LIMCH1: variants seen among roughly 807,000 people sequenced by gnomAD.
LIMCH1 encodes the protein LIM and calponin homology domains-containing protein 1.
A neutral mutation model predicts 176.5 loss-of-function variants in LIMCH1; 113 were observed. The observed-to-expected ratio is 0.64, with a 90% confidence interval of 0.55 to 0.75. The LOEUF is 0.75. Among genes scored for constraint, LIMCH1 ranks in the 30% least tolerant of loss-of-function variants. LIMCH1 has a pLI of 0.00. For synonymous variants in LIMCH1, 619 were observed against 645.9 expected (o/e 0.96, Z 0.63); for missense variants, 1,674 against 1,814.9 (o/e 0.92, Z 1.41).
At chr4:41,537,611 G>A (rs1440673775), upstream of LIMCH1, among the ~76,000 whole-genome samples, 1 of 152,100 alleles carries the variant, frequency 6.6e-6, no homozygotes, top group Admixed American at 6.5e-5. Context: ...GGGATTCATG[G>A]AGTGAGTTTG....
At chr4:41,419,611 CT>C (rs796505022) in intron 1 of LIMCH1, among the ~76,000 whole-genome samples, 2,676 of 86,646 alleles carry the variant, frequency 0.031, 133 homozygotes, top group African/African-American at 0.072. Context: ...TCCGTCCTTC[CT>C]TCCTTCCTTC....
chr4:41,546,105 T>C (rs952605636), intron 1 of LIMCH1, among the ~76,000 whole-genome samples: 3 of 152,152 alleles, frequency 2.0e-5, no homozygotes, highest in Non-Finnish European at 4.4e-5. Flanking sequence ...GAAAACTACC[T>C]TCCATGTAGA....
chr4:41,620,652 T>A lies in LIMCH1; in HGVS notation c.687T>A (p.Ala229=). Residue 229 remains alanine, a synonymous_variant, in exon 7 of 32, where the codon GCT becomes GCA. Coordinates refer to ENST00000503057, the MANE Select transcript of LIMCH1 (RefSeq NM_001330672.2). ...AAAAGCGCAAAAGGCTAGAGCAAGCTGGAATCAAGGTCATGCCAGCAGCAC... is the reference window on the plus strand; with the variant it reads ...AAAAGCGCAAAAGGCTAGAGCAAGCAGGAATCAAGGTCATGCCAGCAGCAC... ...EIQKRKRLEQ[A]GIKVMPAAQR... is the part of the protein sequence containing the mutation. 6.5e-7 allele frequency: 1 copy of A among 1,536,130 alleles called. No individual in the cohort carries two copies. Among genetic ancestry groups the A allele is most frequent in the Non-Finnish European group, 8.7e-7 (1 of 1,146,890 alleles).
chr4:41,364,937 T>C (rs941176426), intron 1 of LIMCH1, among the ~76,000 whole-genome samples: 1 of 152,172 alleles, frequency 6.6e-6, no homozygotes, highest in Admixed American at 6.5e-5. Flanking sequence ...AAGAGTTTAT[T>C]AGTAGGTTAG....
intron 1 of LIMCH1, among the ~76,000 whole-genome samples, chr4:41,460,455 C>CATATAT (rs1302547339): frequency 0.029 from 2,688 of 92,140 alleles, 205 homozygotes; most frequent in African/African-American, 0.13. Flanking sequence ...CTATAGTAAT[C>CATATAT]ATCTATATAT....
At chr4:41,539,784 C>G (rs966895714) in intron 1 of LIMCH1, among the ~76,000 whole-genome samples, 1 of 152,156 alleles carries the variant, frequency 6.6e-6, no homozygotes, top group Non-Finnish European at 1.5e-5. Context: ...AGAACTCACT[C>G]TTGAGTTTCC....
At chr4:41,596,882 C>G (rs1362463873) in intron 1 of LIMCH1, among the ~76,000 whole-genome samples, 1 of 152,134 alleles carries the variant, frequency 6.6e-6, no homozygotes, top group East Asian at 1.9e-4. Flanking sequence ...GAAAAAAGAC[C>G]TAGGCTTTAC....
chr4:41,447,690 G>A (rs2063422761), intron 1 of LIMCH1, among the ~76,000 whole-genome samples: 1 of 152,186 alleles, frequency 6.6e-6, no homozygotes, highest in African/African-American at 2.4e-5. Flanking sequence ...CGAGACAAAT[G>A]TCTGTCTGTC....
At chr4:41,602,459 T>C (rs1329400817) in intron 2 of LIMCH1, among the ~76,000 whole-genome samples, 2 of 152,184 alleles carry the variant, frequency 1.3e-5, no homozygotes, top group Non-Finnish European at 2.9e-5. Flanking sequence ...ACTTTTATCA[T>C]CACTGCAGAA....
intron 2 of LIMCH1, among the ~76,000 whole-genome samples, chr4:41,503,984 T>C (rs1271557294): frequency 6.6e-6 from 1 of 152,220 alleles, no homozygotes; most frequent in Non-Finnish European, 1.5e-5. Context: ...TCTCTCCCAA[T>C]GACAGCTCTT....
chr4:41,466,406 C>A (rs971138350), intron 1 of LIMCH1, among the ~76,000 whole-genome samples: 2 of 152,236 alleles, frequency 1.3e-5, no homozygotes, highest in Non-Finnish European at 1.5e-5. Flanking sequence ...GACTCTCTGG[C>A]TGGGGCCATA....
intron 18 of LIMCH1, among the ~76,000 whole-genome samples, chr4:41,652,472 C>A (rs534701050): frequency 1.3e-5 from 2 of 152,296 alleles, no homozygotes; most frequent in African/African-American, 4.8e-5. Context: ...TACGTCTTAC[C>A]TCTGCTAGAG....
chr4:41,653,674 G>T (rs2152954743), intron 18 of LIMCH1, among the ~76,000 whole-genome samples: 1 of 152,346 alleles, frequency 6.6e-6, no homozygotes. Context: ...AGGAATGGAG[G>T]GAGAACAACA....
At chr4:41,368,431 C>T (rs1004027541) in intron 1 of LIMCH1, among the ~76,000 whole-genome samples, 7 of 152,028 alleles carry the variant, frequency 4.6e-5, no homozygotes, top group Non-Finnish European at 7.4e-5. Flanking sequence ...TTAAACAATA[C>T]ATATATAATT....
At chr4:41,476,587 A>G (rs1582834726) in intron 1 of LIMCH1, among the ~76,000 whole-genome samples, 1 of 152,250 alleles carries the variant, frequency 6.6e-6, no homozygotes, top group African/African-American at 2.4e-5. Context: ...ACCAGCCAAA[A>G]GAACAGATTT....
At chr4:41,492,822 T>G (rs1302358483) in intron 1 of LIMCH1, among the ~76,000 whole-genome samples, 1 of 152,226 alleles carries the variant, frequency 6.6e-6, no homozygotes, top group African/African-American at 2.4e-5. Flanking sequence ...TTTAGGATTC[T>G]TGCATCTTCC....
intron 1 of LIMCH1, among the ~76,000 whole-genome samples, chr4:41,539,360 C>G (rs1413527457): frequency 6.6e-6 from 1 of 152,118 alleles, no homozygotes; most frequent in Non-Finnish European, 1.5e-5. Context: ...GGGTTCCGCA[C>G]AAGGTGAAGG....
intron 5 of LIMCH1, among the ~76,000 whole-genome samples, chr4:41,615,507 A>C (rs1393112983): frequency 6.6e-6 from 1 of 152,178 alleles, no homozygotes; most frequent in African/African-American, 2.4e-5. Flanking sequence ...CTTCTTATAC[A>C]CAGATTTTAC....
intron 2 of LIMCH1, among the ~76,000 whole-genome samples, chr4:41,600,463 GGTCACTTTGAAAGT>G (rs2089718758): frequency 6.6e-6 from 1 of 152,108 alleles, no homozygotes; most frequent in East Asian, 1.9e-4. Context: ...GTGAAGGAAA[GGTCACTTTGAAAGT>G]GTCTGCAGCT....
Sources: gnomAD v4.1 joint callset for allele counts (sites outside exome capture counted in the v4.1 genomes callset) on GRCh38, gnomAD v4.1.1 for gene constraint, MANE v1.5 for transcripts, NCBI Gene and HGNC (gene_info 2026-07-23, HGNC 2026-07-21) for gene names.